CPM: variants seen among roughly 807,000 people sequenced by gnomAD.
CPM encodes the protein carboxypeptidase M.
A neutral mutation model predicts 46.4 loss-of-function variants in CPM; 35 were observed. The ratio of observed to expected loss-of-function variants is 0.75; its 90% CI spans 0.58 to 1.00. The LOEUF (loss-of-function observed/expected upper bound fraction) is 1.00, where lower values mean the gene tolerates loss of function less well. Among genes scored for constraint, CPM ranks in the 50% least tolerant of loss-of-function variants. The pLI is 0.00. For missense variants in CPM, 422 were observed against 530.4 expected (o/e 0.80, Z 2.01); for synonymous variants, 195 against 195.3 (o/e 1.00, Z 0.01).
Position 68,851,268 on chromosome 12 carries a change from A to C in CPM, c.*5169T>G, listed in dbSNP as rs956450965. On this transcript the variant is annotated 3_prime_UTR_variant, in exon 9 of 9. Coordinates refer to ENST00000551568, the MANE Select transcript of CPM (RefSeq NM_198320.5). ...ATGGCCTCTCCCCAATAAACTTTAC[A>C]GTCTTAGACAATTTGTGCATTTTAA... 6.6e-6 allele frequency: 1 copy of C among 152,616 alleles called. No individual in the cohort carries two copies. The highest frequency in any genetic ancestry group is 1.5e-5 in the Non-Finnish European group (1 of 68,024). 9.5% of individuals were successfully genotyped at this position (152,616 alleles called of 1,614,324 possible).
downstream of CPM, chr12:68,847,167 A>G (rs1284516335): frequency 3.1e-5 from 3 of 96,770 alleles, no homozygotes; most frequent in Non-Finnish European, 6.2e-5. Context: ...TATAATACAT[A>G]TGTGTTTATG....
chr12:68,924,459 G>A (rs1236565161), intron 2 of CPM, among the ~76,000 whole-genome samples: 10 of 141,746 alleles, frequency 7.1e-5, no homozygotes, highest in East Asian at 2.0e-4. Context: ...CAGCATGGGC[G>A]ACAGAGCGAG....
chr12:68,898,467 G>A (rs1469709639), intron 2 of CPM, among the ~76,000 whole-genome samples: 1 of 152,180 alleles, frequency 6.6e-6, no homozygotes, highest in Non-Finnish European at 1.5e-5. Flanking sequence ...AGGATGCTTA[G>A]CTCCCAATAG....
chr12:68,943,430 A>G (rs934751537), intron 1 of CPM, among the ~76,000 whole-genome samples: 1 of 152,226 alleles, frequency 6.6e-6, no homozygotes, highest in East Asian at 1.9e-4. Flanking sequence ...AACAAGACAG[A>G]AAGGGATACA....
intron 1 of CPM, among the ~76,000 whole-genome samples, chr12:68,962,474 G>A (rs1889139240): frequency 6.6e-6 from 1 of 152,032 alleles, no homozygotes; most frequent in Non-Finnish European, 1.5e-5. Flanking sequence ...TTCCCCACGT[G>A]GGTCCTAGAA....
In CPM at chr12:68,886,017, T is replaced by C. The variant is rs963026261; in HGVS notation, c.161-128A>G. 8.8e-6 allele frequency: 6 copies of C among 685,048 alleles called. No homozygotes were observed. In the African/African-American group the frequency reaches 1.1e-4, roughly 12 times the overall value. 42.4% of individuals were successfully genotyped at this position (685,048 alleles called of 1,614,324 possible). ...TCGCCTGTTTCATGGTGACTTAAGT[T>C]TGTATGACTAACATCTCCATGCTTA... On this transcript the variant is annotated intron_variant, in intron 2 of 8. Coordinates refer to ENST00000551568, the MANE Select transcript of CPM (RefSeq NM_198320.5).
rs182541234 is a variant in CPM at position 68,893,012 on chromosome 12, T to C, written c.161-7123A>G. 1.1e-3 allele frequency among the ~76,000 whole-genome samples: 161 copies of C among 152,104 alleles called. 1 individual carries two copies. Among genetic ancestry groups the C allele is most frequent in the African/African-American group, 3.3e-3 (136 of 41,490 alleles). Reference sequence around the variant, plus strand: ...GGAGAGCATTAGGACAAATACCTAATGCATGCAGGGCTTAAAACCTAGATG... The same window carrying C: ...GGAGAGCATTAGGACAAATACCTAACGCATGCAGGGCTTAAAACCTAGATG... On this transcript the variant is annotated intron_variant, in intron 2 of 8. Transcript: ENST00000551568.
At chr12:68,920,766 C>T (rs890574478) in intron 2 of CPM, among the ~76,000 whole-genome samples, 2 of 149,918 alleles carry the variant, frequency 1.3e-5, no homozygotes, top group Non-Finnish European at 3.0e-5. Context: ...TCTCGGCTCA[C>T]TGTAACCTCC....
At chr12:68,913,963 G>A in intron 2 of CPM, 1 of 719,196 alleles carries the variant, frequency 1.4e-6, no homozygotes, top group Non-Finnish European at 2.6e-6. Flanking sequence ...TATCAAATTT[G>A]TGTTTGATGC....
At chr12:68,946,073 C>G (rs1485178575) in intron 1 of CPM, among the ~76,000 whole-genome samples, 1 of 151,952 alleles carries the variant, frequency 6.6e-6, no homozygotes, top group African/African-American at 2.4e-5. Context: ...CCAGGCTGGT[C>G]TCGAACTTCT....
At chr12:68,885,963 G>A in intron 2 of CPM, 74 bp from the exon 3 acceptor site, 1 of 1,261,050 alleles carries the variant, frequency 7.9e-7, no homozygotes, top group Non-Finnish European at 1.1e-6. Context: ...GGTAAGACTA[G>A]GAAACAGGAT....
At chr12:68,886,371 G>A (rs2647949) in intron 2 of CPM, among the ~76,000 whole-genome samples, 132,784 of 151,738 alleles carry the variant, frequency 0.88, 58,186 homozygotes, top group Non-Finnish European at 0.89. Flanking sequence ...GGTGGCTCAC[G>A]CCTGTAATCC....
At chr12:68,885,948 A>C (rs1056079219) in intron 2 of CPM, 59 bp from the exon 3 acceptor site, 32 of 1,466,010 alleles carry the variant, frequency 2.2e-5, no homozygotes, top group Non-Finnish European at 2.9e-5. Context: ...TGACAAATGA[A>C]CTCTGGTAAG....
chr12:68,935,649 T>C (rs1169307651), upstream of CPM, among the ~76,000 whole-genome samples: 1 of 151,840 alleles, frequency 6.6e-6, no homozygotes, highest in Non-Finnish European at 1.5e-5. Flanking sequence ...TTTTTTTTTT[T>C]AATTGTGCAG....
intron 2 of CPM, among the ~76,000 whole-genome samples, chr12:68,927,369 G>T (rs1209473109): frequency 2.0e-5 from 3 of 151,914 alleles, no homozygotes; most frequent in East Asian, 1.9e-4. Flanking sequence ...CTTCTTTTGA[G>T]AAGTGTCTGT....
In CPM at chr12:68,844,295, C is replaced by T. The variant is rs1047283; in HGVS notation, c.534-1966G>A. The stretch of plus-strand genomic sequence containing the variant: ...CACAAGTCTGAATGTGTTTCTTTTT[C>T]TGGAATGGCCATGCCTGCCCACTTT... On this transcript the variant is annotated intron_variant, in intron 5 of 5. Transcript: ENST00000551897. 7.9e-3 allele frequency: 1,736 copies of T among 221,034 alleles called. 30 individuals carry two copies. The highest frequency in any genetic ancestry group is 0.035 in the African/African-American group (1,572 of 44,770). 13.7% of individuals were successfully genotyped at this position (221,034 alleles called of 1,614,324 possible).
At chr12:68,889,093 C>T (rs1175458487) in intron 2 of CPM, among the ~76,000 whole-genome samples, 1 of 152,118 alleles carries the variant, frequency 6.6e-6, no homozygotes. Flanking sequence ...TGGGGTAAAG[C>T]GTGAAACTGG....
At position 68,894,745 on chromosome 12, in the gene CPM, G is replaced by A. The variant is rs548383260; in HGVS notation, c.161-8856C>T. ...TCTGCCTTGAAGTTAGTTTTCTAAGGGTGTCACGGCCAGGTGTGGTGGCTC... is the reference window on the plus strand; with the variant it reads ...TCTGCCTTGAAGTTAGTTTTCTAAGAGTGTCACGGCCAGGTGTGGTGGCTC... On this transcript the variant is annotated intron_variant, in intron 2 of 8. Coordinates refer to ENST00000551568, the MANE Select transcript of CPM (RefSeq NM_198320.5). Among the ~76,000 whole-genome samples, 13 of 152,144 alleles carry A rather than the reference G, an allele frequency of 8.5e-5. No individual in the cohort carries two copies. The South Asian group carries it at 2.7e-3, about 32-fold the overall frequency.
At chr12:68,923,731 T>C (rs765683075) in intron 2 of CPM, among the ~76,000 whole-genome samples, 1 of 152,208 alleles carries the variant, frequency 6.6e-6, no homozygotes, top group Non-Finnish European at 1.5e-5. Flanking sequence ...AATCACATGC[T>C]TGTATCTATA....
Sources: allele counts gnomAD v4.1 joint callset (sites outside exome capture counted in the v4.1 genomes callset), GRCh38; gene constraint gnomAD v4.1.1; transcripts MANE v1.5; gene names NCBI Gene and HGNC (gene_info 2026-07-23, HGNC 2026-07-21).